The following ZNF548 variants were observed in gnomAD, a reference collection of about 807,000 sequenced individuals.
ZNF548 encodes zinc finger protein 548.
ZNF548 carries 10 observed loss-of-function variants against 10.2 expected under a neutral mutation model. The observed-to-expected ratio is 0.98, with a 90% CI of 0.60 to 1.66. ZNF548 has a LOEUF of 1.66. Among genes scored for constraint, ZNF548 ranks in the 40% most tolerant of loss-of-function variants. The probability of loss-of-function intolerance (pLI) is 0.00; values close to 1 mark genes in which losing one functional copy is unlikely to be tolerated. For synonymous variants in ZNF548, 217 were observed against 223.5 expected (o/e 0.97, Z 0.26); for missense variants, 599 against 657.0 (o/e 0.91, Z 0.97).
In ZNF548 at chr19:57,391,789, G is replaced by GTTTT. The variant is rs71186258; in HGVS notation, c.15+1694_15+1697dup. 3.4e-4 allele frequency among the ~76,000 whole-genome samples: 32 copies of GTTTT among 93,566 alleles called. 2 individuals are homozygous for GTTTT. The highest frequency in any genetic ancestry group is 8.4e-4 in the South Asian group (2 of 2,388). 61.4% of individuals were successfully genotyped at this position (93,566 alleles called of 152,430 possible). A position where few individuals can be genotyped will look rare whatever the true frequency, so the allele number is the denominator to read the frequency against. On this transcript the variant is annotated intron_variant, in intron 1 of 3. Transcript: ENST00000336128. ...GAAAAATGTCTGCCCTGTGCTTACT[G>GTTTT]TTTTTTTTTTTTTTTTTTTTTTGAA...
chr19:57,390,398 C>T (rs2088614896), intron 1 of ZNF548: 1 of 378,006 alleles, frequency 2.6e-6, no homozygotes, highest in African/African-American at 2.1e-5. Flanking sequence ...GCAACCTGAG[C>T]AGCCAGTAAC....
chr19:57,397,316 G>A (rs1444710419), intron 3 of ZNF548, 142 bp downstream of exon 3: 2 of 1,295,214 alleles, frequency 1.5e-6, no homozygotes, highest in African/African-American at 1.5e-5. Flanking sequence ...GTGGGAGGCA[G>A]GGCTGGGCCG....
At position 57,398,448 on chromosome 19, in the gene ZNF548, A is replaced by G. The variant is rs2088682848; in HGVS notation, c.197A>G (p.Glu66Gly). The G allele has an allele frequency of 2.5e-6, 4 of 1,613,630 alleles. No individual in the cohort carries two copies. ...CTGACAGGTTCTTGGCATGGAGCTG[A>G]GGATGAGGAGGCACCTTCACAGCAA... The part of the protein sequence containing the change: ...LSSLGSWHGA[E>G]DEEAPSQQGF... Residue 66 changes from glutamate to glycine, a missense_variant, in exon 4 of 4, where the codon GAG (glutamate) becomes GGG (glycine). Coordinates refer to ENST00000336128, the MANE Select transcript of ZNF548 (RefSeq NM_001172773.2).
At chr19:57,394,633 G>C (rs1720582031) in intron 2 of ZNF548, among the ~76,000 whole-genome samples, 1 of 152,158 alleles carries the variant, frequency 6.6e-6, no homozygotes, top group South Asian at 2.1e-4. Context: ...AAGATTTGAA[G>C]CAAAATAGGT....
chr19:57,395,583 G>T lies in ZNF548; in HGVS notation c.51+1360G>T, dbSNP rs2088659066. On this transcript the variant is annotated intron_variant, in intron 2 of 3. Coordinates refer to ENST00000336128, the MANE Select transcript of ZNF548 (RefSeq NM_001172773.2). This position sits in a 1 kb window ranked among gnomAD's most constrained non-coding sequence, Gnocchi z 4.8. ...CAGGAGAGAGGGAGAGAATGAAGGGGGAAGAGCCAAACACTTTTAAACAAC... is the reference window on the plus strand; with the variant it reads ...CAGGAGAGAGGGAGAGAATGAAGGGTGAAGAGCCAAACACTTTTAAACAAC... Among the ~76,000 whole-genome samples, 1 of 151,968 alleles carries T rather than the reference G, an allele frequency of 6.6e-6. No individual in the cohort carries two copies. The highest frequency in any genetic ancestry group is 1.5e-5 in the Non-Finnish European group (1 of 67,990).
At chr19:57,391,434 A>G (rs2088624208) in intron 1 of ZNF548, among the ~76,000 whole-genome samples, 1 of 151,764 alleles carries the variant, frequency 6.6e-6, no homozygotes. Flanking sequence ...ATAAAAATAC[A>G]TGTTTTTTTT....
chr19:57,396,996 A>G (rs1007197874), intron 2 of ZNF548, 52 bp from the exon 3 acceptor site: 1 of 1,565,928 alleles, frequency 6.4e-7, no homozygotes, highest in South Asian at 1.2e-5. Flanking sequence ...AACTTAAGTA[A>G]ATACAGCTTG....
Position 57,399,328 on chromosome 19 carries a change from G to A in ZNF548, c.1077G>A (p.Arg359=), listed in dbSNP as rs1568533225. ...GCAATGATTGTGGGAAATTTTTTAG[G>A]TATATCTCCACACTCATTAGACATC... is the stretch of plus-strand genomic sequence containing the variant. ...YKCNDCGKFF[R]YISTLIRHQR... is the part of the protein sequence containing the mutation. The change falls in exon 4 of 4, where the codon AGG becomes AGA. Residue 359 remains arginine (R), a synonymous_variant. Transcript: ENST00000336128. This position sits in a 1 kb window ranked among gnomAD's most constrained non-coding sequence, Gnocchi z 4.0. 6.2e-7 allele frequency: 1 copy of A among 1,613,924 alleles called. No homozygotes were observed. The highest frequency in any genetic ancestry group is 1.3e-5 in the African/African-American group (1 of 74,894).
chr19:57,393,442 C>T (rs1376415835), intron 1 of ZNF548, among the ~76,000 whole-genome samples: 2 of 151,726 alleles, frequency 1.3e-5, no homozygotes, highest in Admixed American at 1.3e-4. Context: ...GGGTGGATCA[C>T]CTGTGGTCGG....
chr19:57,399,054 G>A lies in ZNF548; in HGVS notation c.803G>A (p.Arg268Lys). The change falls in exon 4 of 4, where the codon AGA becomes AAA. Residue 268 changes from arginine to lysine, a missense_variant. Coordinates refer to ENST00000336128, the MANE Select transcript of ZNF548 (RefSeq NM_001172773.2). The surrounding 1 kb of genome is among the most constrained non-coding windows in gnomAD (Gnocchi z 4.0). The stretch of plus-strand genomic sequence containing the variant: ...ACTAGTGAAAGGACTTATGAGTGCA[G>A]AGAATGTGGAAAATCCTTTATGTAC... The part of the protein sequence containing the change: ...VHTSERTYEC[R>K]ECGKSFMYNY... 4 of 1,614,222 alleles carry A rather than the reference G, an allele frequency of 2.5e-6. No individual in the cohort carries two copies. The highest frequency in any genetic ancestry group is 3.4e-6 in the Non-Finnish European group (4 of 1,180,046).
chr19:57,398,342 T>G, intron 3 of ZNF548, 88 bp from the exon 4 acceptor site: 1 of 1,559,606 alleles, frequency 6.4e-7, no homozygotes, highest in Non-Finnish European at 8.7e-7. Flanking sequence ...TGGCCTTATT[T>G]GTGTGTGTGC....
At position 57,394,171 on chromosome 19, in the gene ZNF548, C is replaced by T. The variant is rs2088648683; in HGVS notation, c.16-17C>T. On this transcript the variant is annotated splice_polypyrimidine_tract_variant and intron_variant, in intron 1 of 3. Transcript: ENST00000336128. ...TTCCATGGCTGTCAATTTCTCACGGCCTTTCTCTTCCCTCAGGGTCCCCTG... is the reference window on the plus strand; with the variant it reads ...TTCCATGGCTGTCAATTTCTCACGGTCTTTCTCTTCCCTCAGGGTCCCCTG... 3 of 1,601,148 alleles carry T rather than the reference C, an allele frequency of 1.9e-6. No homozygotes were observed. Among genetic ancestry groups the T allele is most frequent in the East Asian group, 2.2e-5 (1 of 44,820 alleles).
intron 1 of ZNF548, among the ~76,000 whole-genome samples, chr19:57,393,745 T>G (rs2088645234): frequency 6.8e-6 from 1 of 148,118 alleles, no homozygotes. Flanking sequence ...AGAAAGTGGT[T>G]CATAATTGGT....
chr19:57,402,638 A>T lies in ZNF548; in HGVS notation c.*2749A>T, dbSNP rs1037372336. The T allele has an allele frequency of 5.3e-5, 8 of 152,264 alleles. No individual in the cohort carries two copies. Among genetic ancestry groups the T allele is most frequent in the Admixed American group, 3.3e-4 (5 of 15,286 alleles). 9.4% of individuals were successfully genotyped at this position (152,264 alleles called of 1,614,324 possible). ...TGTTGGAAAATCTTTAGCCATTAGC[A>T]TAACCTCATTTCGTGCCAGCATGTT... On this transcript the variant is annotated 3_prime_UTR_variant, in exon 4 of 4. Transcript: ENST00000336128.
chr19:57,391,184 A>G lies in ZNF548; in HGVS notation c.15+1070A>G, dbSNP rs145453590. ...CTTTGTCCATGTGTACACATTATTC[A>G]GCTTCCACTTGTAAGTGAGAACATT... On this transcript the variant is annotated intron_variant, in intron 1 of 3. Transcript: ENST00000336128. 4.6e-5 allele frequency among the ~76,000 whole-genome samples: 7 copies of G among 152,238 alleles called. No homozygotes were observed. The East Asian group carries it at 1.4e-3, about 29-fold the overall frequency.
rs1320249467 is a variant in ZNF548, at chr19:57,400,532, A to T, written c.*643A>T. 6.6e-6 allele frequency: 1 copy of T among 152,176 alleles called. No homozygotes were observed. Among genetic ancestry groups the T allele is most frequent in the Non-Finnish European group, 1.5e-5 (1 of 68,162 alleles). 9.4% of individuals were successfully genotyped at this position (152,176 alleles called of 1,614,324 possible). On this transcript the variant is annotated 3_prime_UTR_variant, in exon 4 of 4. Transcript: ENST00000336128. ...ACTGCAAGCTCCGCCTCCCAGGTTC[A>T]TGCCATTCTCCTGCCTCACCCTCCC...
At chr19:57,396,594 C>G (rs2088666619) in intron 2 of ZNF548, among the ~76,000 whole-genome samples, 2 of 152,172 alleles carry the variant, frequency 1.3e-5, no homozygotes. Context: ...AGGCCAATGA[C>G]TGAAAGAAGA....
In ZNF548 at chr19:57,399,066, A is replaced by C; in HGVS notation, c.815A>C (p.Lys272Thr). Reference protein sequence around the residue: ...ERTYECRECGKSFMYNYRLMR... With the variant: ...ERTYECRECGTSFMYNYRLMR... ...ACTTATGAGTGCAGAGAATGTGGAA[A>C]ATCCTTTATGTACAACTACCGACTC... The change falls in exon 4 of 4, where the codon AAA becomes ACA. Residue 272 changes from lysine to threonine, a missense_variant. Coordinates refer to ENST00000336128, the MANE Select transcript of ZNF548 (RefSeq NM_001172773.2). The surrounding 1 kb of genome is among the most constrained non-coding windows in gnomAD (Gnocchi z 4.0). The C allele has an allele frequency of 6.2e-7, 1 of 1,614,256 alleles. No individual in the cohort carries two copies. The highest frequency in any genetic ancestry group is 8.5e-7 in the Non-Finnish European group (1 of 1,180,030).
chr19:57,390,769 T>G (rs774825718), intron 1 of ZNF548: 1 of 152,232 alleles, frequency 6.6e-6, no homozygotes, highest in Non-Finnish European at 1.5e-5. Context: ...CGGGAGAAGA[T>G]CACAGGTTGG....
Sources: allele counts gnomAD v4.1 joint callset (sites outside exome capture counted in the v4.1 genomes callset), GRCh38; gene constraint gnomAD v4.1.1; non-coding constraint Gnocchi (gnomAD v3.1); transcripts MANE v1.5; gene names NCBI Gene and HGNC (gene_info 2026-07-23, HGNC 2026-07-21).